TRAF3IP2: variants seen among roughly 807,000 people sequenced by gnomAD.
TRAF3IP2 encodes the protein E3 ubiquitin ligase TRAF3IP2.
TRAF3IP2 carries 35 observed loss-of-function variants against 57.9 expected under a neutral mutation model. That is an observed-to-expected ratio of 0.60 (90% confidence interval 0.46 to 0.80). TRAF3IP2 has a LOEUF of 0.80. TRAF3IP2 is among the 30% of genes least tolerant of loss of function. The pLI is 0.00. For synonymous variants in TRAF3IP2, 251 were observed against 268.9 expected (o/e 0.93, Z 0.65); for missense variants, 556 against 706.4 (o/e 0.79, Z 2.41).
intron 2 of TRAF3IP2, among the ~76,000 whole-genome samples, chr6:111,586,285 T>G (rs967180445): frequency 1.3e-5 from 2 of 152,138 alleles, no homozygotes; most frequent in African/African-American, 4.8e-5. Context: ...ACCTGTAATT[T>G]TATTCTATTC....
chr6:111,587,298 C>G (rs188031871), intron 2 of TRAF3IP2, among the ~76,000 whole-genome samples: 2 of 151,950 alleles, frequency 1.3e-5, no homozygotes, highest in African/African-American at 4.8e-5. Context: ...TTCTGTTGAC[C>G]AGGCTGGAGT....
intron 6 of TRAF3IP2, 125 bp downstream of exon 6, chr6:111,567,499 C>T: frequency 7.6e-7 from 1 of 1,324,168 alleles, no homozygotes; most frequent in Middle Eastern, 1.9e-4. Flanking sequence ...ACAAGGGAGG[C>T]TTTGTTGGGG....
rs115622353 is a variant in TRAF3IP2 at position 111,567,428 on chromosome 6, G to C, written c.1359+196C>G. On this transcript the variant is annotated intron_variant, in intron 6 of 8. Coordinates refer to ENST00000368761, the MANE Select transcript of TRAF3IP2 (RefSeq NM_147686.4). ...GTGTCTGGTTTGACCGTTATTTCCT[G>C]CCTGTGCATGTCCAAGAGGGCGACT... The C allele has an allele frequency of 2.2e-3, 2,931 of 1,309,938 alleles. 58 individuals carry two copies. The African/African-American group carries it at 0.041, about 18-fold the overall frequency. The allele number at this position is 1,309,938 out of a possible 1,614,324, so 81.1% of individuals were successfully genotyped here. A position where few individuals can be genotyped will look rare whatever the true frequency, so the allele number is the denominator to read the frequency against.
At chr6:111,565,900 G>GT (rs1260040425) in intron 7 of TRAF3IP2, among the ~76,000 whole-genome samples, 1 of 152,116 alleles carries the variant, frequency 6.6e-6, no homozygotes, top group Non-Finnish European at 1.5e-5. Context: ...AATCCTGTAA[G>GT]TATTAGTGAC....
chr6:111,565,945 GT>G (rs1340715255), intron 7 of TRAF3IP2, among the ~76,000 whole-genome samples: 1 of 152,156 alleles, frequency 6.6e-6, no homozygotes, highest in East Asian at 1.9e-4. Flanking sequence ...GGCACAAAGA[GT>G]TTAAGCAGTG....
At position 111,605,821 on chromosome 6, in the gene TRAF3IP2, GC is replaced by G. The variant is rs910972496; in HGVS notation, c.-55del. ...ACAGACTGGGCCCGGAGGGTAGTCG[GC>G]TCTCGGCGGCTTCTCGTCTCCCTCC... On this transcript the variant is annotated 5_prime_UTR_variant, in exon 1 of 9. Transcript: ENST00000368761. 2 of 152,122 alleles carry G rather than the reference GC, an allele frequency of 1.3e-5. No individual in the cohort carries two copies. The highest frequency in any genetic ancestry group is 4.8e-5 in the African/African-American group (2 of 41,408). 9.4% of individuals were successfully genotyped at this position (152,122 alleles called of 1,614,324 possible).
Position 111,559,520 on chromosome 6 carries a change from T to TGAG in TRAF3IP2, c.1580_1582dup (p.Thr527_His528insPro). 1 of 1,614,140 alleles carries TGAG rather than the reference T, an allele frequency of 6.2e-7. No individual in the cohort carries two copies. ...TTTATTCTTGGGCCAGCTGTAGACA[T>TGAG]GAGTGTTCTGAAGCCAGGTGGGCAC... On this transcript the variant is annotated inframe_insertion, in exon 9 of 9. Coordinates refer to ENST00000368761, the MANE Select transcript of TRAF3IP2 (RefSeq NM_147686.4).
intron 4 of TRAF3IP2, chr6:111,573,405 T>C (rs963897195): frequency 1.3e-5 from 2 of 157,422 alleles, no homozygotes; most frequent in African/African-American, 4.8e-5. Flanking sequence ...AGCAGTGTCT[T>C]CTTTTGATCT....
chr6:111,563,133 T>A (rs1583213822), intron 7 of TRAF3IP2, 94 bp from the exon 8 acceptor site: 4 of 893,018 alleles, frequency 4.5e-6, no homozygotes, highest in African/African-American at 1.6e-5. Context: ...GCATTTTTAT[T>A]CTGATTTCCA....
intron 2 of TRAF3IP2, among the ~76,000 whole-genome samples, chr6:111,586,622 C>A (rs937144572): frequency 6.6e-6 from 1 of 151,968 alleles, no homozygotes; most frequent in Non-Finnish European, 1.5e-5. Context: ...GCATGGTGAT[C>A]ATTATTTATT....
In TRAF3IP2 at chr6:111,591,514, A is replaced by G. The variant is rs1271341325; in HGVS notation, c.573T>C (p.Asp191=). The G allele has an allele frequency of 6.2e-7, 1 of 1,613,772 alleles. No individual in the cohort carries two copies. The highest frequency in any genetic ancestry group is 1.1e-5 in the South Asian group (1 of 91,070). The change falls in exon 2 of 9, where the codon GAT becomes GAC. Residue 191 remains aspartate, a synonymous_variant. Transcript: ENST00000368761. The surrounding 1 kb of genome is among the most constrained non-coding windows in gnomAD (Gnocchi z 4.9). ...CATATCCCGTGTCTATGGTTGGCAG[A>G]TCCAGGCCTGCTCGGTTCCTGTGAG... ...PQPHRNRAGL[D]LPTIDTGYDS... is the part of the protein sequence containing the mutation.
At chr6:111,581,726 C>CCAGCA (rs3836974) in intron 2 of TRAF3IP2, among the ~76,000 whole-genome samples, 47,496 of 151,596 alleles carry the variant, frequency 0.31, 7,740 homozygotes, top group East Asian at 0.43. Context: ...ACCTGTAATC[C>CCAGCA]CAGCACTTTG....
chr6:111,589,501 G>A (rs1044600242), intron 2 of TRAF3IP2, among the ~76,000 whole-genome samples: 1 of 152,156 alleles, frequency 6.6e-6, no homozygotes, highest in African/African-American at 2.4e-5. Context: ...AGTTCTCAGT[G>A]ATTCATACTT....
chr6:111,581,850 C>A (rs994484778), intron 2 of TRAF3IP2, among the ~76,000 whole-genome samples: 1 of 152,068 alleles, frequency 6.6e-6, no homozygotes, highest in East Asian at 1.9e-4. Flanking sequence ...TGATGGCGCG[C>A]ACCTGTAACC....
intron 6 of TRAF3IP2, 68 bp from the exon 7 acceptor site, chr6:111,566,628 A>T (rs982630340): frequency 5.1e-6 from 7 of 1,375,568 alleles, no homozygotes; most frequent in Non-Finnish European, 6.2e-6. Flanking sequence ...ATTCTCTGAC[A>T]CACGGGGTGG....
At chr6:111,597,466 G>C (rs953725047) in intron 1 of TRAF3IP2, among the ~76,000 whole-genome samples, 1 of 152,134 alleles carries the variant, frequency 6.6e-6, no homozygotes, top group African/African-American at 2.4e-5. Flanking sequence ...GCAGAAAGTG[G>C]GCAACCCTGC....
chr6:111,564,531 G>T (rs1276283891), intron 7 of TRAF3IP2, among the ~76,000 whole-genome samples: 1 of 152,152 alleles, frequency 6.6e-6, no homozygotes, highest in African/African-American at 2.4e-5. Flanking sequence ...GTATGATGCA[G>T]TTACTCATCA....
rs1317198744 is a variant in TRAF3IP2, at chr6:111,556,116, A to T, written c.*3289T>A. Among the ~76,000 whole-genome samples the T allele has an allele frequency of 6.6e-6, 1 of 152,094 alleles. No homozygotes were observed. The highest frequency in any genetic ancestry group is 2.4e-5 in the African/African-American group (1 of 41,426). ...AGACTACGTCTCAAAAAAAAAAAAA[A>T]AAAAATGCTTTGATGTTGGTGGTCA... On this transcript the variant is annotated 3_prime_UTR_variant, in exon 9 of 9. Transcript: ENST00000368761.
chr6:111,556,201 T>G lies in TRAF3IP2; in HGVS notation c.*3204A>C, dbSNP rs1795235699. On this transcript the variant is annotated 3_prime_UTR_variant, in exon 9 of 9. Transcript: ENST00000368761. ...TGTCACTTGGCCAAGTGCGTGTGTG[T>G]GTGTATGTGTGCGTGTGTGTGTGTG... is the stretch of plus-strand genomic sequence containing the variant. Among the ~76,000 whole-genome samples the G allele has an allele frequency of 6.6e-6, 1 of 151,822 alleles. No individual in the cohort carries two copies. Among genetic ancestry groups the G allele is most frequent in the Non-Finnish European group, 1.5e-5 (1 of 67,936 alleles).
Sources: allele counts gnomAD v4.1 joint callset (sites outside exome capture counted in the v4.1 genomes callset), GRCh38; gene constraint gnomAD v4.1.1; non-coding constraint Gnocchi (gnomAD v3.1); transcripts MANE v1.5; gene names NCBI Gene and HGNC (gene_info 2026-07-23, HGNC 2026-07-21).